Variants in WAC observed in about 807,000 individuals in gnomAD.
The protein encoded by WAC is WW domain containing adaptor with coiled-coil.
A neutral mutation model predicts 79.6 loss-of-function variants in WAC; 11 were observed. The ratio of observed to expected loss-of-function variants is 0.14; its 90% confidence interval spans 0.09 to 0.23. The LOEUF (loss-of-function observed/expected upper bound fraction) is 0.23, where lower values mean the gene tolerates loss of function less well. Among genes scored for constraint, WAC ranks in the 10% least tolerant of loss-of-function variants. The probability of loss-of-function intolerance (pLI) is 1.00; values close to 1 mark genes in which losing one functional copy is unlikely to be tolerated. For synonymous variants in WAC, 304 were observed against 276.9 expected (o/e 1.10, Z -0.97); for missense variants, 728 against 773.5 (o/e 0.94, Z 0.70).
intron 4 of WAC, chr10:28,588,770 G>GGTAC (rs754254825): frequency 4.0e-5 from 6 of 151,734 alleles, no homozygotes; most frequent in Non-Finnish European, 5.9e-5. Context: ...ATATTTATGG[G>GGTAC]GTACATAGTG....
chr10:28,616,202 A>G lies in WAC; in HGVS notation c.1586A>G (p.Asn529Ser), dbSNP rs200723559. The change falls in exon 12 of 14, where the codon AAT becomes AGT. Residue 529 changes from asparagine to serine, a missense_variant. Around this residue, in one of 3 missense-constraint regions of WAC, gnomAD observed 648 missense variants for 661.5 expected, o/e 0.98. Coordinates refer to ENST00000354911, the MANE Select transcript of WAC (RefSeq NM_016628.5). ...SSQRSPSPGP[N>S]HTSNSSNASN... ...CAGAGAAGTCCATCACCTGGTCCCA[A>G]TCATACTTCTAATAGTAGTAATGCA... 6.8e-6 allele frequency: 11 copies of G among 1,609,752 alleles called. No individual in the cohort carries two copies. The highest frequency in any genetic ancestry group is 2.7e-5 in the African/African-American group (2 of 74,980).
At chr10:28,591,040 C>T in intron 6 of WAC, 1 of 500,174 alleles carries the variant, frequency 2.0e-6, no homozygotes, top group Non-Finnish European at 3.6e-6. Flanking sequence ...TATGTGTTTC[C>T]CACTACACAT....
At chr10:28,553,524 A>C (rs1231307870) in intron 3 of WAC, among the ~76,000 whole-genome samples, 1 of 152,126 alleles carries the variant, frequency 6.6e-6, no homozygotes, top group Admixed American at 6.5e-5. Context: ...TTGTATTTTA[A>C]ATGTATGGCT....
intron 7 of WAC, among the ~76,000 whole-genome samples, chr10:28,606,542 A>G (rs540216259): frequency 6.9e-6 from 1 of 144,838 alleles, no homozygotes; most frequent in East Asian, 2.1e-4. Context: ...TTTGAAATGT[A>G]CTTAAATCAG....
At chr10:28,587,738 T>C (rs914738910) in intron 4 of WAC, among the ~76,000 whole-genome samples, 7 of 152,320 alleles carry the variant, frequency 4.6e-5, no homozygotes, top group East Asian at 1.9e-4. Flanking sequence ...AATAAAGTTA[T>C]TGGTATGTGA....
At chr10:28,566,075 C>T (rs1432588402) in intron 3 of WAC, among the ~76,000 whole-genome samples, 4 of 152,084 alleles carry the variant, frequency 2.6e-5, no homozygotes, top group Non-Finnish European at 4.4e-5. Flanking sequence ...CTGCCTTAGA[C>T]GACGTAGGAG....
intron 3 of WAC, among the ~76,000 whole-genome samples, chr10:28,551,522 G>C (rs901104171): frequency 2.0e-5 from 3 of 152,096 alleles, no homozygotes; most frequent in African/African-American, 7.2e-5. Context: ...GAAAAGCCAG[G>C]GGCCACATAG....
chr10:28,607,024 G>A (rs1286409038), intron 7 of WAC, among the ~76,000 whole-genome samples: 2 of 152,168 alleles, frequency 1.3e-5, no homozygotes, highest in African/African-American at 2.4e-5. Context: ...TCTGAATGAA[G>A]TTGAGCATCT....
chr10:28,604,458 G>A (rs1490275615), intron 7 of WAC, among the ~76,000 whole-genome samples: 11 of 152,140 alleles, frequency 7.2e-5, no homozygotes, highest in African/African-American at 2.2e-4. Context: ...AAGGCCCGGC[G>A]TGGTGGCTCA....
intron 3 of WAC, among the ~76,000 whole-genome samples, chr10:28,540,315 A>G (rs1836939206): frequency 6.6e-6 from 1 of 152,206 alleles, no homozygotes; most frequent in Non-Finnish European, 1.5e-5. Context: ...GGTAACTTGT[A>G]TGCTGTCAGA....
chr10:28,557,115 C>G (rs548318156), intron 3 of WAC, among the ~76,000 whole-genome samples: 1 of 149,982 alleles, frequency 6.7e-6, no homozygotes, highest in Non-Finnish European at 1.5e-5. Flanking sequence ...AGGTATAAGT[C>G]ACGGTTATTT....
At chr10:28,540,745 G>C (rs2132343062) in intron 3 of WAC, among the ~76,000 whole-genome samples, 1 of 152,276 alleles carries the variant, frequency 6.6e-6, no homozygotes, top group South Asian at 2.1e-4. Context: ...TATGCTTTGT[G>C]ATAATACTAT....
At chr10:28,610,409 A>G (rs1008517516) in intron 8 of WAC, among the ~76,000 whole-genome samples, 1 of 152,052 alleles carries the variant, frequency 6.6e-6, no homozygotes, top group African/African-American at 2.4e-5. Context: ...GTTCCTGTGA[A>G]CACTCGTTAA....
chr10:28,606,725 A>C (rs1318233002), intron 7 of WAC, among the ~76,000 whole-genome samples: 1 of 152,222 alleles, frequency 6.6e-6, no homozygotes, highest in African/African-American at 2.4e-5. Context: ...AAGCAAACAG[A>C]GTGCTGTTGT....
At chr10:28,542,016 C>A (rs921252031) in intron 3 of WAC, among the ~76,000 whole-genome samples, 1 of 152,160 alleles carries the variant, frequency 6.6e-6, no homozygotes, top group Admixed American at 6.5e-5. Flanking sequence ...ATAATAGATC[C>A]TGTGTAATCT....
chr10:28,592,798 A>T (rs1246147124), intron 6 of WAC, among the ~76,000 whole-genome samples: 1 of 152,160 alleles, frequency 6.6e-6, no homozygotes, highest in Non-Finnish European at 1.5e-5. Context: ...ATGCATATAA[A>T]TGTGTATACA....
intron 7 of WAC, among the ~76,000 whole-genome samples, chr10:28,599,486 G>A (rs1840535404): frequency 6.6e-6 from 1 of 152,188 alleles, no homozygotes; most frequent in African/African-American, 2.4e-5. Context: ...ATGTTGTATA[G>A]GCATCCATGT....
At chr10:28,576,152 T>G (rs1384726833) in intron 3 of WAC, among the ~76,000 whole-genome samples, 4 of 152,342 alleles carry the variant, frequency 2.6e-5, no homozygotes, top group South Asian at 2.1e-4. Flanking sequence ...TCCTTGTCTT[T>G]AAGCAGCACA....
chr10:28,534,383 G>C (rs1424172812), intron 2 of WAC: 1 of 260,578 alleles, frequency 3.8e-6, no homozygotes, highest in Non-Finnish European at 7.2e-6. Flanking sequence ...TTATTGTGTT[G>C]GGGGAACTGA....
Sources: gnomAD v4.1 joint callset for allele counts (sites outside exome capture counted in the v4.1 genomes callset) on GRCh38, gnomAD v4.1.1 for gene constraint, gnomAD v4.1.1 regional missense constraint, MANE v1.5 for transcripts, NCBI Gene and HGNC (gene_info 2026-07-23, HGNC 2026-07-21) for gene names.